Variants in C2CD3 observed in about 807,000 individuals in gnomAD.
C2CD3 encodes the protein C2 domain-containing protein 3.
C2CD3 carries 148 observed loss-of-function variants against 234.0 expected under a neutral mutation model. The ratio of observed to expected loss-of-function variants is 0.63; its 90% CI spans 0.55 to 0.72. The LOEUF (loss-of-function observed/expected upper bound fraction) is 0.72, where lower values mean the gene tolerates loss of function less well. Ranked by LOEUF, C2CD3 falls within the 30% of genes least tolerant of loss-of-function variation. C2CD3 has a pLI of 0.00. For missense variants in C2CD3, 2,577 were observed against 2,811.5 expected (o/e 0.92, Z 1.89); for synonymous variants, 1,000 against 1,035.4 (o/e 0.97, Z 0.66).
chr11:74,072,011 T>C (rs1438145402), intron 24 of C2CD3, among the ~76,000 whole-genome samples: 1 of 152,118 alleles, frequency 6.6e-6, no homozygotes, highest in African/African-American at 2.4e-5. Context: ...TTATTTTCAA[T>C]GCAACTACAA....
chr11:74,064,533 G>A (rs1469805082), intron 24 of C2CD3, among the ~76,000 whole-genome samples: 1 of 152,128 alleles, frequency 6.6e-6, no homozygotes, highest in African/African-American at 2.4e-5. Flanking sequence ...TCCACATCAA[G>A]CTACCAATGA....
intron 3 of C2CD3, among the ~76,000 whole-genome samples, chr11:74,156,883 C>T (rs995993568): frequency 6.6e-6 from 1 of 152,154 alleles, no homozygotes; most frequent in Non-Finnish European, 1.5e-5. Flanking sequence ...TGGTGGGAGA[C>T]TTGCTTGAAT....
intron 7 of C2CD3, among the ~76,000 whole-genome samples, chr11:74,130,664 T>A (rs749456707): frequency 6.6e-6 from 1 of 152,196 alleles, no homozygotes; most frequent in Non-Finnish European, 1.5e-5. Flanking sequence ...GACAGATGGG[T>A]TTTTTTCTAA....
intron 20 of C2CD3, among the ~76,000 whole-genome samples, chr11:74,086,319 A>G (rs1483265407): frequency 6.6e-6 from 1 of 152,212 alleles, no homozygotes; most frequent in African/African-American, 2.4e-5. Context: ...GGCTTAAAGG[A>G]GCAGGGCTTT....
At chr11:74,149,805 G>A (rs1475222975) in intron 3 of C2CD3, among the ~76,000 whole-genome samples, 2 of 152,030 alleles carry the variant, frequency 1.3e-5, no homozygotes, top group African/African-American at 2.4e-5. Flanking sequence ...AAGTCCCTCA[G>A]CTGCTTTGTC....
intron 32 of C2CD3, among the ~76,000 whole-genome samples, chr11:74,028,079 C>T (rs1952376393): frequency 6.6e-6 from 1 of 152,160 alleles, no homozygotes; most frequent in Non-Finnish European, 1.5e-5. Flanking sequence ...CTGACAATGC[C>T]CTGCTCTTGC....
At chr11:74,097,886 G>T in intron 16 of C2CD3, 123 bp downstream of exon 16, 1 of 900,164 alleles carries the variant, frequency 1.1e-6, no homozygotes, top group Non-Finnish European at 1.7e-6. Flanking sequence ...AAGCACTGGA[G>T]TGCACATTAT....
chr11:74,103,299 C>T lies in C2CD3; in HGVS notation c.2412G>A (p.Leu804=). Residue 804 remains leucine, a synonymous_variant, in exon 14 of 33, where the codon CTG becomes CTA. Coordinates refer to ENST00000334126, the MANE Select transcript of C2CD3 (RefSeq NM_001286577.2). ...CTGGCACCATCAACAGCACATGCAA[C>T]AGCAAAGCACTCTCTTTTGTTGTCC... The part of the protein sequence containing the change: ...TNGTTKESAL[L]LHVLLMVPDG... 1.9e-6 allele frequency: 3 copies of T among 1,614,210 alleles called. No homozygotes were observed. Among genetic ancestry groups the T allele is most frequent in the Non-Finnish European group, 2.5e-6 (3 of 1,180,030 alleles).
rs1046270497 is a variant in C2CD3, at chr11:74,114,015, T to C, written c.1731-123A>G. On this transcript the variant is annotated intron_variant, in intron 10 of 32. Coordinates refer to ENST00000334126, the MANE Select transcript of C2CD3 (RefSeq NM_001286577.2). ...CTCTAGTACTCAGAGGCCCTACCTC[T>C]TCTTCAAAGCCTTCCACCAACCCTG... 93 of 621,496 alleles carry C rather than the reference T, an allele frequency of 1.5e-4. 1 individual carries two copies. In the African/African-American group the frequency reaches 1.6e-3, roughly 11 times the overall value. The allele number at this position is 621,496 out of a possible 1,614,324, so 38.5% of individuals were successfully genotyped here. A position where few individuals can be genotyped will look rare whatever the true frequency, so the allele number is the denominator to read the frequency against.
At chr11:74,091,496 A>G (rs1385676522) in intron 19 of C2CD3, 1 of 152,316 alleles carries the variant, frequency 6.6e-6, no homozygotes, top group East Asian at 1.9e-4. Context: ...TTTGGCAGAT[A>G]CTCTTTAGCA....
chr11:74,136,243 T>C lies in C2CD3; in HGVS notation c.955+2477A>G, dbSNP rs540564657. ...TTACAGTGATGTGGTCCCTCTCCCATTTGTGCACAAGTCAGACTACTAACT... is the reference window on the plus strand; with the variant it reads ...TTACAGTGATGTGGTCCCTCTCCCACTTGTGCACAAGTCAGACTACTAACT... On this transcript the variant is annotated intron_variant, in intron 5 of 32. Coordinates refer to ENST00000334126, the MANE Select transcript of C2CD3 (RefSeq NM_001286577.2). Among the ~76,000 whole-genome samples the C allele has an allele frequency of 2.6e-5, 4 of 152,300 alleles. No individual in the cohort carries two copies. In the East Asian group the frequency reaches 7.7e-4, roughly 29 times the overall value.
chr11:74,074,002 C>T (rs983595945), intron 24 of C2CD3, among the ~76,000 whole-genome samples: 9 of 152,108 alleles, frequency 5.9e-5, no homozygotes, highest in Admixed American at 2.0e-4. Context: ...GTTAGGGATC[C>T]GATGATTTGA....
chr11:74,045,470 A>C (rs1424067833), intron 28 of C2CD3, among the ~76,000 whole-genome samples: 4 of 152,206 alleles, frequency 2.6e-5, no homozygotes, highest in Admixed American at 1.3e-4. Flanking sequence ...GAATCTGTAG[A>C]TCAACGTGGA....
At chr11:74,083,221 G>T (rs1955473254) in intron 22 of C2CD3, among the ~76,000 whole-genome samples, 1 of 152,050 alleles carries the variant, frequency 6.6e-6, no homozygotes, top group African/African-American at 2.4e-5. Context: ...AATAGTGCTG[G>T]GAAAACTGGC....
intron 23 of C2CD3, among the ~76,000 whole-genome samples, chr11:74,075,315 C>T (rs1208537325): frequency 2.2e-5 from 3 of 139,022 alleles, no homozygotes; most frequent in Non-Finnish European, 4.6e-5. Context: ...TATCAGGAGG[C>T]TGTCTTGACA....
chr11:74,067,397 A>G (rs1225107095), intron 24 of C2CD3, among the ~76,000 whole-genome samples: 1 of 152,216 alleles, frequency 6.6e-6, no homozygotes, highest in Non-Finnish European at 1.5e-5. Flanking sequence ...CCGGGAAAGC[A>G]TTAAAGATAT....
In C2CD3 at chr11:74,081,809, T is replaced by C. The variant is rs1016343999; in HGVS notation, c.4000+3072A>G. Among the ~76,000 whole-genome samples the C allele has an allele frequency of 9.2e-5, 14 of 152,342 alleles. No homozygotes were observed. In the East Asian group the frequency reaches 2.5e-3, roughly 27 times the overall value. On this transcript the variant is annotated intron_variant, in intron 22 of 32. Transcript: ENST00000334126. ...GTCTGCTATTGGTGTATAGGAATGC[T>C]TGTGATTTTTGCACATTGATTTTGT... is the stretch of plus-strand genomic sequence containing the variant.
intron 2 of C2CD3, among the ~76,000 whole-genome samples, chr11:74,163,508 C>T (rs4539349): frequency 0.27 from 40,578 of 152,026 alleles, 6,424 homozygotes; most frequent in African/African-American, 0.44. Context: ...ATCACAAGTG[C>T]GGTTCTCCTT....
At position 74,168,621 on chromosome 11, in the gene C2CD3, G is replaced by A. The variant is rs373040365; in HGVS notation, c.56-8C>T. The A allele has an allele frequency of 6.2e-7, 1 of 1,604,930 alleles. No individual in the cohort carries two copies. The highest frequency in any genetic ancestry group is 8.5e-7 in the Non-Finnish European group (1 of 1,175,268). ...GAGAAATGTCACTTAAACCTGTAGA[G>A]GAATCCAAGAAAACTGAGTCAAAAT... On this transcript the variant is annotated splice_region_variant and splice_polypyrimidine_tract_variant and intron_variant, in intron 1 of 32. Coordinates refer to ENST00000334126, the MANE Select transcript of C2CD3 (RefSeq NM_001286577.2).
Sources: allele counts gnomAD v4.1 joint callset (sites outside exome capture counted in the v4.1 genomes callset), GRCh38; gene constraint gnomAD v4.1.1; transcripts MANE v1.5; gene names NCBI Gene and HGNC (gene_info 2026-07-23, HGNC 2026-07-21).